FGF14: variants seen among roughly 807,000 people sequenced by gnomAD.
FGF14 encodes the protein fibroblast growth factor 14.
Under a neutral mutation model 25.5 loss-of-function variants are expected in FGF14, and 5 were observed. The ratio of observed to expected loss-of-function variants is 0.20; its 90% CI spans 0.10 to 0.41. The LOEUF is 0.41. FGF14 is among the 10% of genes least tolerant of loss of function. The pLI, the probability that FGF14 is intolerant of heterozygous loss-of-function variation, is 1.00. For synonymous variants in FGF14, 138 were observed against 118.3 expected, an observed-to-expected ratio of 1.17 and a Z score of -1.08; for missense variants, 222 against 320.1, an observed-to-expected ratio of 0.69 and a Z score of 2.34.
chr13:102,010,631 G>A (rs1178700698), intron 1 of FGF14, among the ~76,000 whole-genome samples: 1 of 152,176 alleles, frequency 6.6e-6, no homozygotes, highest in Non-Finnish European at 1.5e-5. Context: ...AAGTTGAGGA[G>A]ACTTAAGTCC....
At chr13:102,208,399 C>A (rs2050027507) in intron 1 of FGF14, among the ~76,000 whole-genome samples, 1 of 152,148 alleles carries the variant, frequency 6.6e-6, no homozygotes, top group Non-Finnish European at 1.5e-5. Flanking sequence ...CATCATGCTT[C>A]CATAAAAACA....
At chr13:101,963,992 G>A (rs1006214505) in intron 1 of FGF14, among the ~76,000 whole-genome samples, 3 of 152,180 alleles carry the variant, frequency 2.0e-5, no homozygotes, top group Non-Finnish European at 4.4e-5. Context: ...AATAATAAAT[G>A]CTGAAGTGGT....
intron 1 of FGF14, among the ~76,000 whole-genome samples, chr13:102,287,372 ATATAATCAC>A (rs1450452508): frequency 6.6e-6 from 1 of 152,224 alleles, no homozygotes; most frequent in East Asian, 1.9e-4. Flanking sequence ...CATTATTTGG[ATATAATCAC>A]TATAATCACT....
At chr13:102,216,836 A>T (rs2050396017) in intron 1 of FGF14, among the ~76,000 whole-genome samples, 1 of 152,172 alleles carries the variant, frequency 6.6e-6, no homozygotes, top group South Asian at 2.1e-4. Flanking sequence ...AGCCTCTAGC[A>T]ATCACAATTC....
At chr13:102,361,305 A>T (rs2057558247) in intron 1 of FGF14, among the ~76,000 whole-genome samples, 2 of 152,172 alleles carry the variant, frequency 1.3e-5, no homozygotes, top group South Asian at 4.1e-4. Context: ...GCAGAATATT[A>T]TTCACCTGAA....
At chr13:101,973,672 T>C (rs2037750402) in intron 1 of FGF14, among the ~76,000 whole-genome samples, 1 of 152,170 alleles carries the variant, frequency 6.6e-6, no homozygotes, top group Non-Finnish European at 1.5e-5. Flanking sequence ...GTCTCTCTTT[T>C]CACATTTTTC....
chr13:102,203,707 G>A lies in FGF14; in HGVS notation c.208+197764C>T, dbSNP rs896803576. Among the ~76,000 whole-genome samples the A allele has an allele frequency of 2.1e-4, 32 of 152,096 alleles. 1 individual carries two copies. The highest frequency in any genetic ancestry group is 2.0e-3 in the Admixed American group (31 of 15,276). On this transcript the variant is annotated intron_variant, in intron 1 of 4. Transcript: ENST00000376131. The stretch of plus-strand genomic sequence containing the variant: ...AAACATTGTTCCACTTTGCTTTTAA[G>A]TGTACTTCATGAAGTCTAATTTTTT...
At chr13:102,205,141 GAGA>G (rs1167488214) in intron 1 of FGF14, among the ~76,000 whole-genome samples, 2 of 152,214 alleles carry the variant, frequency 1.3e-5, no homozygotes, top group African/African-American at 2.4e-5. Flanking sequence ...CAGAAACTGA[GAGA>G]AGAAGGGCTT....
intron 1 of FGF14, among the ~76,000 whole-genome samples, chr13:102,316,685 T>C (rs866536323): frequency 6.6e-6 from 1 of 152,216 alleles, no homozygotes; most frequent in Non-Finnish European, 1.5e-5. Context: ...TATTGGCGTG[T>C]AGTTTTTCAG....
chr13:101,757,909 T>G (rs954380030), intron 3 of FGF14, among the ~76,000 whole-genome samples: 6 of 152,196 alleles, frequency 3.9e-5, no homozygotes, highest in Non-Finnish European at 8.8e-5. Context: ...GAAAAGTAAG[T>G]AGCCTGGTCC....
intron 1 of FGF14, among the ~76,000 whole-genome samples, chr13:102,153,768 A>T (rs1320737938): frequency 6.6e-6 from 1 of 152,122 alleles, no homozygotes; most frequent in Non-Finnish European, 1.5e-5. Context: ...ATGTATTTCT[A>T]TTCTCTCTAG....
At chr13:101,896,882 TG>T (rs774207184) in intron 1 of FGF14, among the ~76,000 whole-genome samples, 1 of 152,144 alleles carries the variant, frequency 6.6e-6, no homozygotes, top group Non-Finnish European at 1.5e-5. Context: ...ATCTATGTTT[TG>T]GGGTAACTTT....
chr13:102,082,658 T>C (rs936023546), intron 1 of FGF14, among the ~76,000 whole-genome samples: 1 of 152,116 alleles, frequency 6.6e-6, no homozygotes, highest in African/African-American at 2.4e-5. Context: ...GGGTCATCTC[T>C]AAAGAGTACT....
chr13:102,357,205 C>A (rs1378004265), intron 1 of FGF14, among the ~76,000 whole-genome samples: 1 of 151,444 alleles, frequency 6.6e-6, no homozygotes, highest in Non-Finnish European at 1.5e-5. Flanking sequence ...AGGTTGCACA[C>A]CTCGAGGGTG....
At chr13:102,189,176 A>G (rs2049027301) in intron 1 of FGF14, among the ~76,000 whole-genome samples, 1 of 152,124 alleles carries the variant, frequency 6.6e-6, no homozygotes, top group Non-Finnish European at 1.5e-5. Flanking sequence ...GAGAATGCTC[A>G]TTTGGTTAAA....
chr13:101,787,481 G>A (rs2039907449), intron 3 of FGF14, among the ~76,000 whole-genome samples: 1 of 152,036 alleles, frequency 6.6e-6, no homozygotes, highest in African/African-American at 2.4e-5. Flanking sequence ...TAACTTTACT[G>A]ATCTGTTTTT....
chr13:101,931,727 A>G (rs542965868), intron 1 of FGF14, among the ~76,000 whole-genome samples: 2 of 152,328 alleles, frequency 1.3e-5, no homozygotes, highest in Admixed American at 6.5e-5. Context: ...TGAAAGCCTC[A>G]CATCAGAAAT....
At chr13:101,724,784 G>A (rs576698570) in intron 4 of FGF14, among the ~76,000 whole-genome samples, 5 of 150,888 alleles carry the variant, frequency 3.3e-5, no homozygotes, top group South Asian at 4.2e-4. Context: ...AATCTCTGTC[G>A]TTATAGTACC....
At chr13:102,291,689 A>G (rs2054407130) in intron 1 of FGF14, among the ~76,000 whole-genome samples, 1 of 152,162 alleles carries the variant, frequency 6.6e-6, no homozygotes, top group Non-Finnish European at 1.5e-5. Flanking sequence ...ACTTGATTGG[A>G]ATAAAATCAG....
Sources: allele counts gnomAD v4.1 joint callset (sites outside exome capture counted in the v4.1 genomes callset), GRCh38; gene constraint gnomAD v4.1.1; transcripts MANE v1.5; gene names NCBI Gene and HGNC (gene_info 2026-07-23, HGNC 2026-07-21).